Variants in MTHFD1L observed in about 807,000 individuals in gnomAD.
The protein encoded by MTHFD1L is monofunctional C1-tetrahydrofolate synthase, mitochondrial.
In MTHFD1L, 81 loss-of-function variants were observed where a neutral mutation model predicts 119.5. The ratio of observed to expected loss-of-function variants is 0.68; its 90% CI spans 0.57 to 0.82. MTHFD1L has a LOEUF of 0.82. MTHFD1L is among the 40% of genes least tolerant of loss of function. MTHFD1L has a pLI of 0.00. For synonymous variants in MTHFD1L, 430 were observed against 475.2 expected, an observed-to-expected ratio of 0.90 and a Z score of 1.24; for missense variants, 1,125 against 1,253.4, an observed-to-expected ratio of 0.90 and a Z score of 1.55.
chr6:150,919,708 T>A (rs1788578718), intron 9 of MTHFD1L, among the ~76,000 whole-genome samples: 1 of 152,158 alleles, frequency 6.6e-6, no homozygotes, highest in Admixed American at 6.5e-5. Flanking sequence ...TCATGAGAAC[T>A]CATTCACTAT....
intron 20 of MTHFD1L, among the ~76,000 whole-genome samples, chr6:150,979,939 C>A (rs191418297): frequency 2.6e-5 from 4 of 151,746 alleles, no homozygotes; most frequent in Admixed American, 2.6e-4. Context: ...AGAAGAAAAC[C>A]AGACCAAACT....
At chr6:151,079,792 G>A (rs1315717126) in intron 26 of MTHFD1L, among the ~76,000 whole-genome samples, 1 of 151,538 alleles carries the variant, frequency 6.6e-6, no homozygotes, top group Admixed American at 6.6e-5. Context: ...CCTGGCCATG[G>A]GAACAGTCAT....
chr6:150,905,832 T>TTAGG, intron 8 of MTHFD1L, 71 bp downstream of exon 8: 4 of 1,195,080 alleles, frequency 3.3e-6, no homozygotes, highest in Non-Finnish European at 5.0e-6. Flanking sequence ...AACCTTTTCC[T>TTAGG]AAGAGGTTAT....
At chr6:151,063,179 A>G (rs73780402) in intron 26 of MTHFD1L, among the ~76,000 whole-genome samples, 2,891 of 152,262 alleles carry the variant, frequency 0.019, 91 homozygotes, top group African/African-American at 0.065. Context: ...ATACATTTAC[A>G]TGTTTGCTGG....
intron 27 of MTHFD1L, 143 bp downstream of exon 27, chr6:151,092,730 T>C: frequency 1.7e-6 from 1 of 605,006 alleles, no homozygotes. Flanking sequence ...ACCAAATGAT[T>C]TTCCGTGACT....
At chr6:151,081,950 T>TCTCCTTAAAAGGACTAC (rs1793231654) in intron 26 of MTHFD1L, among the ~76,000 whole-genome samples, 1 of 152,104 alleles carries the variant, frequency 6.6e-6, no homozygotes, top group East Asian at 1.9e-4. Flanking sequence ...TCCTCCAGCT[T>TCTCCTTAAAAGGACTAC]CTCCTTAAAG....
chr6:151,070,590 C>T (rs1301587949), intron 26 of MTHFD1L, among the ~76,000 whole-genome samples: 1 of 152,206 alleles, frequency 6.6e-6, no homozygotes, highest in African/African-American at 2.4e-5. Context: ...TATATCAGGA[C>T]TTGCAGACCA....
intron 26 of MTHFD1L, among the ~76,000 whole-genome samples, chr6:151,091,499 G>A (rs1794448060): frequency 6.6e-6 from 1 of 152,134 alleles, no homozygotes; most frequent in South Asian, 2.1e-4. Flanking sequence ...GCGGTTTGAA[G>A]ATCTTTCATC....
chr6:150,884,126 T>TA (rs1337204580), intron 5 of MTHFD1L, among the ~76,000 whole-genome samples: 1 of 149,550 alleles, frequency 6.7e-6, no homozygotes, highest in African/African-American at 2.5e-5. Flanking sequence ...GACAACATAG[T>TA]GAGACCTCAT....
Position 151,009,930 on chromosome 6 carries a change from C to G in MTHFD1L, c.2237C>G (p.Ala746Gly). The G allele has an allele frequency of 6.2e-7, 1 of 1,612,168 alleles. No individual in the cohort carries two copies. The highest frequency in any genetic ancestry group is 8.5e-7 in the Non-Finnish European group (1 of 1,179,342). The part of the protein sequence containing the change: ...NVVVLVATVR[A>G]LKMHGGGPSV... Reference sequence around the variant, plus strand: ...GTTGTGTTAGTGGCAACGGTGCGAGCTCTGAAGATGCATGGAGGCGGGCCA... The same window carrying G: ...GTTGTGTTAGTGGCAACGGTGCGAGGTCTGAAGATGCATGGAGGCGGGCCA... The change falls in exon 21 of 28, where the codon GCT becomes GGT. Residue 746 changes from alanine (A) to glycine (G), a missense_variant. This residue lies in a region of MTHFD1L where 1,058 missense variants were observed against 1,151.2 expected (regional missense o/e 0.92). Coordinates refer to ENST00000367321, the MANE Select transcript of MTHFD1L (RefSeq NM_015440.5).
At chr6:150,927,427 T>C (rs958773016) in intron 11 of MTHFD1L, among the ~76,000 whole-genome samples, 1 of 150,712 alleles carries the variant, frequency 6.6e-6, no homozygotes, top group Non-Finnish European at 1.5e-5. Flanking sequence ...CATGACAACA[T>C]AACATTCCAT....
chr6:150,995,771 A>G (rs1779735868), intron 20 of MTHFD1L, among the ~76,000 whole-genome samples: 1 of 151,688 alleles, frequency 6.6e-6, no homozygotes, highest in South Asian at 2.1e-4. Flanking sequence ...GGTTCAAGTG[A>G]TTTCTCCTGC....
At chr6:150,871,878 T>G (rs1296046496) in intron 1 of MTHFD1L, among the ~76,000 whole-genome samples, 4 of 150,922 alleles carry the variant, frequency 2.7e-5, no homozygotes, top group African/African-American at 7.3e-5. Flanking sequence ...TTAATTTAAT[T>G]TTATTTTATT....
intron 8 of MTHFD1L, among the ~76,000 whole-genome samples, chr6:150,914,120 A>G (rs1000162290): frequency 6.6e-6 from 1 of 152,036 alleles, no homozygotes; most frequent in Non-Finnish European, 1.5e-5. Flanking sequence ...ACAGAGCAAC[A>G]GTCCGTCTCA....
At chr6:150,996,903 G>A (rs9478162) in intron 20 of MTHFD1L, among the ~76,000 whole-genome samples, 29,847 of 152,012 alleles carry the variant, frequency 0.2, 3,036 homozygotes, top group Middle Eastern at 0.29. Context: ...CCTTGAATTC[G>A]CCTGCTTTCT....
At chr6:151,098,046 C>T (rs1304807742) in intron 27 of MTHFD1L, among the ~76,000 whole-genome samples, 2 of 152,042 alleles carry the variant, frequency 1.3e-5, no homozygotes, top group African/African-American at 4.8e-5. Flanking sequence ...TCATGGCACG[C>T]ACCTGTAATC....
intron 11 of MTHFD1L, chr6:150,935,133 C>T (rs550537972): frequency 6.2e-7 from 1 of 1,613,522 alleles, no homozygotes; most frequent in Non-Finnish European, 8.5e-7. Flanking sequence ...GGATTTAACA[C>T]TGAGAAAATT....
intron 26 of MTHFD1L, among the ~76,000 whole-genome samples, chr6:151,090,337 G>A (rs889939234): frequency 2.0e-5 from 3 of 152,254 alleles, no homozygotes; most frequent in African/African-American, 7.2e-5. Context: ...AGTGAAGTGA[G>A]GAAGGGTGGC....
intron 24 of MTHFD1L, among the ~76,000 whole-genome samples, chr6:151,018,456 A>G (rs1225316308): frequency 6.6e-6 from 1 of 152,082 alleles, no homozygotes; most frequent in Non-Finnish European, 1.5e-5. Context: ...GCACATGTTC[A>G]CCTCTTTGGT....
Sources: allele counts gnomAD v4.1 joint callset (sites outside exome capture counted in the v4.1 genomes callset), GRCh38; gene constraint gnomAD v4.1.1; regional missense constraint gnomAD v4.1.1; transcripts MANE v1.5; gene names NCBI Gene and HGNC (gene_info 2026-07-23, HGNC 2026-07-21).